EXOC4: variants seen among roughly 807,000 people sequenced by gnomAD.
EXOC4 encodes exocyst complex component 4.
EXOC4 carries 71 observed loss-of-function variants against 107.2 expected under a neutral mutation model. The observed-to-expected ratio is 0.66, with a 90% CI of 0.55 to 0.81. The LOEUF (loss-of-function observed/expected upper bound fraction) is 0.81, where lower values mean the gene tolerates loss of function less well. EXOC4 is among the 30% of genes least tolerant of loss of function. The pLI is 0.00. For missense variants in EXOC4, 1,108 were observed against 1,189.6 expected (o/e 0.93, Z 1.01); for synonymous variants, 456 against 441.2 (o/e 1.03, Z -0.42).
chr7:133,702,826 A>G (rs997728967), intron 10 of EXOC4, among the ~76,000 whole-genome samples: 3 of 152,134 alleles, frequency 2.0e-5, no homozygotes, highest in Admixed American at 1.3e-4. Flanking sequence ...ATGAATGTGC[A>G]CTGCTCTAGT....
intron 10 of EXOC4, among the ~76,000 whole-genome samples, chr7:133,687,740 G>A (rs1794336917): frequency 6.6e-6 from 1 of 152,056 alleles, no homozygotes; most frequent in South Asian, 2.1e-4. Context: ...TGGTGTTTCT[G>A]TAACATTAAT....
chr7:133,549,387 T>C (rs1453560160), intron 9 of EXOC4, among the ~76,000 whole-genome samples: 1 of 152,174 alleles, frequency 6.6e-6, no homozygotes, highest in African/African-American at 2.4e-5. Context: ...TCAAAATTGT[T>C]ATGTCTCTGT....
chr7:133,427,605 G>A (rs956849617), intron 7 of EXOC4, among the ~76,000 whole-genome samples: 2 of 152,218 alleles, frequency 1.3e-5, no homozygotes, highest in Non-Finnish European at 1.5e-5. Context: ...CTACAAGTGC[G>A]TTGGGGTGCA....
At chr7:133,911,653 C>G (rs1051278898) in intron 12 of EXOC4, among the ~76,000 whole-genome samples, 2 of 152,122 alleles carry the variant, frequency 1.3e-5, no homozygotes, top group Non-Finnish European at 2.9e-5. Context: ...CCAACCTAAC[C>G]TAATTTTTTT....
chr7:134,006,493 A>G (rs1470608227), intron 16 of EXOC4, among the ~76,000 whole-genome samples: 1 of 152,204 alleles, frequency 6.6e-6, no homozygotes, highest in Admixed American at 6.5e-5. Context: ...GTGGTCTTGA[A>G]GCAATGTTGT....
intron 7 of EXOC4, among the ~76,000 whole-genome samples, chr7:133,395,679 AACAC>A (rs149462879): frequency 1.3e-5 from 2 of 151,972 alleles, no homozygotes; most frequent in Middle Eastern, 3.4e-3. Flanking sequence ...GTATATATAA[AACAC>A]ACACACACAC....
At chr7:133,303,369 G>A (rs566395245) in intron 3 of EXOC4, among the ~76,000 whole-genome samples, 1 of 152,356 alleles carries the variant, frequency 6.6e-6, no homozygotes, top group Admixed American at 6.5e-5. Flanking sequence ...AGGAGGTGGA[G>A]GTTGCAGTGA....
intron 1 of EXOC4, among the ~76,000 whole-genome samples, chr7:133,267,745 C>A (rs945380958): frequency 1.3e-5 from 2 of 152,144 alleles, no homozygotes; most frequent in African/African-American, 2.4e-5. Context: ...GGGTCACGAG[C>A]AACTATTTGT....
At chr7:133,970,747 C>T (rs1801201165) in intron 14 of EXOC4, among the ~76,000 whole-genome samples, 1 of 152,026 alleles carries the variant, frequency 6.6e-6, no homozygotes, top group South Asian at 2.1e-4. Flanking sequence ...CCACCTTCTG[C>T]GTTGATCTCG....
Position 133,874,580 on chromosome 7 carries a change from G to T in EXOC4, c.1735-21019G>T, listed in dbSNP as rs181105759. On this transcript the variant is annotated intron_variant, in intron 11 of 17. Coordinates refer to ENST00000253861, the MANE Select transcript of EXOC4 (RefSeq NM_021807.4). ...AAGCTCCCTGCCATTCTCCCCCTTA[G>T]AGGGCTCCAGATCTCACCTCTGAGG... 1.9e-3 allele frequency among the ~76,000 whole-genome samples: 283 copies of T among 152,304 alleles called. 1 individual carries two copies. Among genetic ancestry groups the T allele is most frequent in the African/African-American group, 6.7e-3 (280 of 41,560 alleles).
intron 9 of EXOC4, among the ~76,000 whole-genome samples, chr7:133,489,335 G>A (rs991510102): frequency 2.0e-5 from 3 of 152,090 alleles, no homozygotes; most frequent in Non-Finnish European, 2.9e-5. Context: ...TTCATAAAAT[G>A]TACAGATATA....
chr7:133,440,362 C>T (rs1475665158), intron 7 of EXOC4, among the ~76,000 whole-genome samples: 1 of 152,180 alleles, frequency 6.6e-6, no homozygotes, highest in Admixed American at 6.5e-5. Context: ...ACCCCCACCC[C>T]CCCATTACCT....
intron 14 of EXOC4, among the ~76,000 whole-genome samples, chr7:133,957,497 G>A (rs1800844023): frequency 6.6e-6 from 1 of 152,188 alleles, no homozygotes; most frequent in South Asian, 2.1e-4. Flanking sequence ...TTTCCTGATA[G>A]AGTCTAAGGA....
chr7:133,325,851 A>C (rs191752335), intron 5 of EXOC4, among the ~76,000 whole-genome samples: 43 of 152,304 alleles, frequency 2.8e-4, no homozygotes, highest in African/African-American at 9.6e-4. Context: ...AGGTACACCA[A>C]TCAGACATAG....
At chr7:133,313,848 T>C (rs1055484011) in intron 4 of EXOC4, among the ~76,000 whole-genome samples, 1 of 152,124 alleles carries the variant, frequency 6.6e-6, no homozygotes, top group Non-Finnish European at 1.5e-5. Context: ...CATGTTGCTA[T>C]TGGCAAAATG....
intron 14 of EXOC4, among the ~76,000 whole-genome samples, chr7:133,973,500 A>G (rs1314484479): frequency 6.6e-6 from 1 of 152,226 alleles, no homozygotes; most frequent in Non-Finnish European, 1.5e-5. Context: ...TCACATATTC[A>G]GTAGGGCTAC....
chr7:133,766,214 G>A (rs1796136242), intron 10 of EXOC4, among the ~76,000 whole-genome samples: 1 of 151,930 alleles, frequency 6.6e-6, no homozygotes, highest in South Asian at 2.1e-4. Flanking sequence ...TACTATGTAA[G>A]AACTATGAAG....
intron 10 of EXOC4, among the ~76,000 whole-genome samples, chr7:133,801,382 G>A (rs1796938712): frequency 1.3e-5 from 2 of 152,086 alleles, no homozygotes; most frequent in Admixed American, 6.5e-5. Flanking sequence ...ATTTCACTGG[G>A]TATTAGGAAG....
chr7:133,836,827 G>A (rs1797928375), intron 11 of EXOC4, among the ~76,000 whole-genome samples: 1 of 152,068 alleles, frequency 6.6e-6, no homozygotes, highest in Non-Finnish European at 1.5e-5. Flanking sequence ...TATGTTGGAT[G>A]CTTTATTTTT....
Sources: allele counts gnomAD v4.1 joint callset (sites outside exome capture counted in the v4.1 genomes callset), GRCh38; gene constraint gnomAD v4.1.1; transcripts MANE v1.5; gene names NCBI Gene and HGNC (gene_info 2026-07-23, HGNC 2026-07-21).